STMP1: variants seen among roughly 807,000 people sequenced by gnomAD.
STMP1 encodes the protein mitolamban.
In STMP1, 7 loss-of-function variants were observed where a neutral mutation model predicts 7.0. The ratio of observed to expected loss-of-function variants is 1.01; its 90% CI spans 0.57 to 1.89. The LOEUF is 1.89. STMP1 is among the 40% of genes most tolerant of loss of function. STMP1 has a pLI of 0.00. For synonymous variants in STMP1, 19 were observed against 18.4 expected, an observed-to-expected ratio of 1.03 and a Z score of -0.08; for missense variants, 45 against 53.0, an observed-to-expected ratio of 0.85 and a Z score of 0.47.
chr7:135,663,991 CT>C (rs1430716329), intron 1 of STMP1, among the ~76,000 whole-genome samples: 1 of 152,228 alleles, frequency 6.6e-6, no homozygotes, highest in East Asian at 1.9e-4. Context: ...AAATGCACCC[CT>C]TTTGTCCTTT....
chr7:135,663,873 T>G (rs1391095450), intron 1 of STMP1, among the ~76,000 whole-genome samples: 1 of 151,832 alleles, frequency 6.6e-6, no homozygotes. Flanking sequence ...CTCGATCTCC[T>G]GACCTCGGGA....
At chr7:135,672,705 G>T (rs970881995) in intron 1 of STMP1, 48 bp from the exon 2 acceptor site, 26 of 1,390,556 alleles carry the variant, frequency 1.9e-5, no homozygotes, top group Non-Finnish European at 2.5e-5. Context: ...AATCAGACTG[G>T]CACAGGACTC....
chr7:135,666,497 TGCCACCATCCCCG>T (rs1795293346), intron 1 of STMP1, among the ~76,000 whole-genome samples: 1 of 152,006 alleles, frequency 6.6e-6, no homozygotes, highest in Non-Finnish European at 1.5e-5. Context: ...TACAGACGTG[TGCCACCATCCCCG>T]GCTAATTTTT....
intron 1 of STMP1, 139 bp downstream of exon 1, chr7:135,662,733 C>T (rs1025068603): frequency 3.0e-6 from 3 of 991,462 alleles, no homozygotes; most frequent in Admixed American, 3.2e-5. Context: ...GCCTGGTCGT[C>T]GCCTCGCAGG....
Position 135,662,569 on chromosome 7 carries a change from C to G in STMP1, c.-11C>G. ...GTCCTTCGCGCCCTCCTCGCCCTCC[C>G]CACCGACATCATGCTCCAGTTCCTG... is the stretch of plus-strand genomic sequence containing the variant. On this transcript the variant is annotated 5_prime_UTR_variant, in exon 1 of 3. Transcript: ENST00000507606. 8 of 1,548,512 alleles carry G rather than the reference C, an allele frequency of 5.2e-6. No homozygotes were observed. The highest frequency in any genetic ancestry group is 7.0e-6 in the Non-Finnish European group (8 of 1,145,762).
rs1158036637 is a variant in STMP1 at position 135,675,996 on chromosome 7, C to G, written c.*1831C>G. 2.1e-5 allele frequency: 3 copies of G among 144,040 alleles called. No homozygotes were observed. Among genetic ancestry groups the G allele is most frequent in the Admixed American group, 7.2e-5 (1 of 13,900 alleles). The allele number at this position is 144,040 out of a possible 1,614,324, so 8.9% of individuals were successfully genotyped here. On this transcript the variant is annotated 3_prime_UTR_variant, in exon 3 of 3. Transcript: ENST00000507606. ...CTGGAGTGCAGTGGCACAGTCTTGG[C>G]TCACTGCAACTCCTGCCTCCCGGTC...
rs1199719333 is a variant in STMP1, at chr7:135,676,387, T to C, written c.*2222T>C. 6.6e-6 allele frequency: 1 copy of C among 152,242 alleles called. No homozygotes were observed. The highest frequency in any genetic ancestry group is 6.5e-5 in the Admixed American group (1 of 15,294). 9.4% of individuals were successfully genotyped at this position (152,242 alleles called of 1,614,324 possible). A position where few individuals can be genotyped will look rare whatever the true frequency, so the allele number is the denominator to read the frequency against. The stretch of plus-strand genomic sequence containing the variant: ...TAATGTTTCACAGTGCTTTGCAGAC[T>C]ATCTAATAAATAGTAGCTATTAGTA... On this transcript the variant is annotated 3_prime_UTR_variant, in exon 3 of 3. Transcript: ENST00000507606.
intron 1 of STMP1, among the ~76,000 whole-genome samples, chr7:135,662,974 C>T (rs1362277833): frequency 6.6e-6 from 1 of 152,154 alleles, no homozygotes. Flanking sequence ...ATTACATGGT[C>T]GCCGGCCGGT....
chr7:135,668,683 C>T (rs990883663), intron 1 of STMP1, among the ~76,000 whole-genome samples: 2 of 152,210 alleles, frequency 1.3e-5, no homozygotes, highest in African/African-American at 2.4e-5. Context: ...GGATTACAAG[C>T]GTAGCCATTG....
chr7:135,663,163 G>C (rs1363684801), intron 1 of STMP1, among the ~76,000 whole-genome samples: 1 of 152,186 alleles, frequency 6.6e-6, no homozygotes, highest in Non-Finnish European at 1.5e-5. Flanking sequence ...GTAAGCATGA[G>C]TAAGCAGACT....
At chr7:135,672,188 C>T (rs1297114832) in intron 1 of STMP1, among the ~76,000 whole-genome samples, 1 of 152,184 alleles carries the variant, frequency 6.6e-6, no homozygotes, top group Non-Finnish European at 1.5e-5. Context: ...CCATGTTGGC[C>T]AGGCTGGTCT....
rs1471160022 is a variant in STMP1 at position 135,676,274 on chromosome 7, C to T, written c.*2109C>T. On this transcript the variant is annotated 3_prime_UTR_variant, in exon 3 of 3. Coordinates refer to ENST00000507606, the MANE Select transcript of STMP1 (RefSeq NM_001130929.2). ...GCATGTCACGGGTTTGTAGCTTATT[C>T]TTTCAGAAACTCTTGCATTATCTGT... 6.6e-6 allele frequency: 1 copy of T among 152,156 alleles called. No individual in the cohort carries two copies. The highest frequency in any genetic ancestry group is 2.4e-5 in the African/African-American group (1 of 41,436). 9.4% of individuals were successfully genotyped at this position (152,156 alleles called of 1,614,324 possible). A position where few individuals can be genotyped will look rare whatever the true frequency, so the allele number is the denominator to read the frequency against.
rs181351399 is a variant in STMP1, at chr7:135,663,472, G to A, written c.15+878G>A. ...CGATTCTCCCTCCTCGGCCTCCGGA[G>A]TAGCTGGGATTACAGGCGCGCACCA... On this transcript the variant is annotated intron_variant, in intron 1 of 2. Coordinates refer to ENST00000507606, the MANE Select transcript of STMP1 (RefSeq NM_001130929.2). Among the ~76,000 whole-genome samples, 15 of 152,118 alleles carry A rather than the reference G, an allele frequency of 9.9e-5. No homozygotes were observed. The East Asian group carries it at 2.7e-3, about 27-fold the overall frequency.
At chr7:135,664,612 A>G (rs12539550) in intron 1 of STMP1, among the ~76,000 whole-genome samples, 4,390 of 152,166 alleles carry the variant, frequency 0.029, 89 homozygotes, top group Middle Eastern at 0.099. Context: ...GCCTGGTCAG[A>G]TTCTGATTTG....
chr7:135,667,542 G>A (rs1324959404), intron 1 of STMP1, among the ~76,000 whole-genome samples: 3 of 152,170 alleles, frequency 2.0e-5, no homozygotes, highest in African/African-American at 7.2e-5. Context: ...GAGTTTTTTT[G>A]TGTCACTCAG....
At chr7:135,665,064 C>T (rs768751453) in intron 1 of STMP1, among the ~76,000 whole-genome samples, 79 of 152,156 alleles carry the variant, frequency 5.2e-4, no homozygotes, top group Non-Finnish European at 9.4e-4. Context: ...CATTAAAGAA[C>T]TTAAAAACAG....
At chr7:135,668,208 A>G (rs1439817720) in intron 1 of STMP1, among the ~76,000 whole-genome samples, 2 of 152,106 alleles carry the variant, frequency 1.3e-5, no homozygotes, top group Non-Finnish European at 2.9e-5. Flanking sequence ...TTTCCTTGCC[A>G]CCACAGTAAT....
chr7:135,668,902 AT>A (rs1795326240), intron 1 of STMP1, among the ~76,000 whole-genome samples: 1 of 152,066 alleles, frequency 6.6e-6, no homozygotes, highest in African/African-American at 2.4e-5. Flanking sequence ...GTATTAGTCC[AT>A]TTTCACACTG....
Position 135,662,714 on chromosome 7 carries a change from G to T in STMP1, c.15+120G>T. ...TGGGCGTGGGTCCAGCGGTCCCTTCGTCCCCCGCGCCTGGTCGTCGCCTCG... is the reference window on the plus strand; with the variant it reads ...TGGGCGTGGGTCCAGCGGTCCCTTCTTCCCCCGCGCCTGGTCGTCGCCTCG... On this transcript the variant is annotated intron_variant, in intron 1 of 2. Coordinates refer to ENST00000507606, the MANE Select transcript of STMP1 (RefSeq NM_001130929.2). 3.3e-6 allele frequency: 4 copies of T among 1,200,782 alleles called. No individual in the cohort carries two copies. The South Asian group carries it at 4.7e-5, about 14-fold the overall frequency. 74.4% of individuals were successfully genotyped at this position (1,200,782 alleles called of 1,614,324 possible). A position where few individuals can be genotyped will look rare whatever the true frequency, so the allele number is the denominator to read the frequency against.
Sources: allele counts gnomAD v4.1 joint callset (sites outside exome capture counted in the v4.1 genomes callset), GRCh38; gene constraint gnomAD v4.1.1; transcripts MANE v1.5; gene names NCBI Gene and HGNC (gene_info 2026-07-23, HGNC 2026-07-21).